The following TAFA2 variants were observed in gnomAD, a reference collection of about 807,000 sequenced individuals.
TAFA2 encodes the protein chemokine-like protein TAFA-2.
A neutral mutation model predicts 18.8 loss-of-function variants in TAFA2; 7 were observed. That is an observed-to-expected ratio of 0.37 (90% confidence interval 0.21 to 0.70). The LOEUF (loss-of-function observed/expected upper bound fraction) is 0.70, where lower values mean the gene tolerates loss of function less well. TAFA2 is among the 30% of genes least tolerant of loss of function. The pLI is 0.53. For missense variants in TAFA2, 122 were observed against 158.1 expected (o/e 0.77, Z 1.23); for synonymous variants, 60 against 54.2 (o/e 1.11, Z -0.47).
intron 1 of TAFA2, among the ~76,000 whole-genome samples, chr12:61,970,912 A>G (rs1457782544): frequency 1.3e-5 from 2 of 151,678 alleles, no homozygotes; most frequent in South Asian, 2.1e-4. Context: ...AGGCTAAAGT[A>G]TTTCTTCTGG....
intron 1 of TAFA2, among the ~76,000 whole-genome samples, chr12:62,013,016 T>C (rs978769616): frequency 1.3e-5 from 2 of 152,114 alleles, no homozygotes; most frequent in Non-Finnish European, 2.9e-5. Context: ...GAATTCATAG[T>C]CCCATGTTTA....
intron 1 of TAFA2, among the ~76,000 whole-genome samples, chr12:61,935,897 C>A (rs926519361): frequency 6.6e-6 from 1 of 151,708 alleles, no homozygotes; most frequent in Non-Finnish European, 1.5e-5. Flanking sequence ...TGGACCAGAG[C>A]AATTCACAGC....
intron 1 of TAFA2, among the ~76,000 whole-genome samples, chr12:61,904,094 G>A (rs748671994): frequency 6.6e-6 from 1 of 152,050 alleles, no homozygotes; most frequent in Non-Finnish European, 1.5e-5. Context: ...AAACCTCAAA[G>A]CATCCTTCTG....
chr12:62,006,148 G>C (rs1880542853), intron 1 of TAFA2, among the ~76,000 whole-genome samples: 1 of 152,112 alleles, frequency 6.6e-6, no homozygotes, highest in South Asian at 2.1e-4. Flanking sequence ...GTACTGACTA[G>C]ATCCTAAATT....
intron 1 of TAFA2, among the ~76,000 whole-genome samples, chr12:62,182,022 G>A (rs1325717662): frequency 7.0e-6 from 1 of 143,180 alleles, no homozygotes; most frequent in Non-Finnish European, 1.5e-5. Context: ...AGCTACTCAA[G>A]TAGAACAAAA....
intron 2 of TAFA2, among the ~76,000 whole-genome samples, chr12:61,755,550 C>A (rs922990176): frequency 2.0e-5 from 3 of 152,062 alleles, no homozygotes; most frequent in African/African-American, 7.2e-5. Flanking sequence ...TGAAAATGAA[C>A]AAATCCAGTG....
At chr12:61,971,652 C>T (rs1879253772) in intron 1 of TAFA2, among the ~76,000 whole-genome samples, 3 of 151,730 alleles carry the variant, frequency 2.0e-5, no homozygotes, top group Non-Finnish European at 2.9e-5. Flanking sequence ...CATGTTCTCA[C>T]TCATAAGTGG....
intron 1 of TAFA2, among the ~76,000 whole-genome samples, chr12:61,890,714 T>A (rs1359817319): frequency 1.3e-5 from 2 of 152,190 alleles, no homozygotes; most frequent in Non-Finnish European, 2.9e-5. Flanking sequence ...AAATTTTGAC[T>A]TTGAAAGACA....
chr12:61,878,842 T>G lies in TAFA2; in HGVS notation c.-1-11416A>C, dbSNP rs903143198. Among the ~76,000 whole-genome samples, 2 of 152,198 alleles carry G rather than the reference T, an allele frequency of 1.3e-5. 1 individual carries two copies. On this transcript the variant is annotated intron_variant, in intron 1 of 4. Transcript: ENST00000416284. ...ATTTCCCCACAAAGTATCTTACTTT[T>G]GCATAGTGCCATATGGTATACTAAG...
At chr12:61,758,733 T>C (rs1018728970) in intron 2 of TAFA2, among the ~76,000 whole-genome samples, 2 of 151,910 alleles carry the variant, frequency 1.3e-5, no homozygotes, top group African/African-American at 4.8e-5. Context: ...CACAGCAGAA[T>C]GGGAGATGGA....
At chr12:62,155,788 T>A (rs1244628295) in intron 1 of TAFA2, among the ~76,000 whole-genome samples, 3 of 152,104 alleles carry the variant, frequency 2.0e-5, no homozygotes, top group African/African-American at 7.2e-5. Flanking sequence ...TATACAAAAA[T>A]CAACTCAAGA....
chr12:61,723,546 C>T (rs904884442), intron 4 of TAFA2, among the ~76,000 whole-genome samples: 1 of 152,086 alleles, frequency 6.6e-6, no homozygotes, highest in Non-Finnish European at 1.5e-5. Context: ...CTAGGATTAT[C>T]CCTATGATTC....
At chr12:61,970,639 A>G (rs1592521620) in intron 1 of TAFA2, among the ~76,000 whole-genome samples, 1 of 151,548 alleles carries the variant, frequency 6.6e-6, no homozygotes, top group Non-Finnish European at 1.5e-5. Context: ...TCTTCTCGAG[A>G]AAATGATATA....
At chr12:61,761,251 C>G (rs1400902912) in intron 2 of TAFA2, among the ~76,000 whole-genome samples, 1 of 151,920 alleles carries the variant, frequency 6.6e-6, no homozygotes, top group Non-Finnish European at 1.5e-5. Flanking sequence ...GTGAAAGAAA[C>G]TTATTCATAA....
intron 1 of TAFA2, among the ~76,000 whole-genome samples, chr12:61,925,115 A>C (rs1877230198): frequency 6.6e-6 from 1 of 152,326 alleles, no homozygotes; most frequent in African/African-American, 2.4e-5. Context: ...AAAGACACTT[A>C]GAATCCCACA....
At chr12:61,932,389 GAAGTGAA>G (rs759439901) in intron 1 of TAFA2, among the ~76,000 whole-genome samples, 156 of 152,162 alleles carry the variant, frequency 1.0e-3, no homozygotes, top group Non-Finnish European at 5.3e-4. Context: ...AATCACTCGA[GAAGTGAA>G]AAGTGAAAAG....
chr12:62,137,459 G>A (rs1870943521), intron 1 of TAFA2, among the ~76,000 whole-genome samples: 1 of 152,106 alleles, frequency 6.6e-6, no homozygotes, highest in South Asian at 2.1e-4. Context: ...CACACTGCTG[G>A]TTGAGGATGG....
intron 1 of TAFA2, among the ~76,000 whole-genome samples, chr12:62,168,475 C>G (rs1424011671): frequency 6.6e-6 from 1 of 152,048 alleles, no homozygotes; most frequent in Non-Finnish European, 1.5e-5. Context: ...GGACAAATGA[C>G]CTAAATTATT....
At chr12:61,808,415 G>C (rs1418403293) in intron 2 of TAFA2, among the ~76,000 whole-genome samples, 1 of 151,350 alleles carries the variant, frequency 6.6e-6, no homozygotes, top group African/African-American at 2.5e-5. Context: ...GTCTTTATCA[G>C]CAGCATGAAA....
Sources: allele counts gnomAD v4.1 joint callset (sites outside exome capture counted in the v4.1 genomes callset), GRCh38; gene constraint gnomAD v4.1.1; transcripts MANE v1.5; gene names NCBI Gene and HGNC (gene_info 2026-07-23, HGNC 2026-07-21).